Variants in VPS13D observed in about 807,000 individuals in gnomAD.
VPS13D encodes intermembrane lipid transfer protein VPS13D.
A neutral mutation model predicts 461.9 loss-of-function variants in VPS13D; 187 were observed. That is an observed-to-expected ratio of 0.40 (90% confidence interval 0.36 to 0.46). The LOEUF (loss-of-function observed/expected upper bound fraction) is 0.46, where lower values mean the gene tolerates loss of function less well. Among genes scored for constraint, VPS13D ranks in the 20% least tolerant of loss-of-function variants. The probability of loss-of-function intolerance (pLI) is 0.60; values close to 1 mark genes in which losing one functional copy is unlikely to be tolerated. For missense variants in VPS13D, 4,711 were observed against 5,364.9 expected, an observed-to-expected ratio of 0.88 and a Z score of 3.81; for synonymous variants, 1,951 against 1,986.3, an observed-to-expected ratio of 0.98 and a Z score of 0.47.
At position 12,447,977 on chromosome 1, in the gene VPS13D, A is replaced by C. The variant is rs1458946725; in HGVS notation, c.12334-8021A>C. On this transcript the variant is annotated intron_variant, in intron 65 of 69. Coordinates refer to ENST00000620676, the MANE Select transcript of VPS13D (RefSeq NM_015378.4). ...GACATGCAAGATTCAGTGGGGGAGA[A>C]AGAGGAGGGAACCGGAGAGCACTCA... 2.0e-5 allele frequency among the ~76,000 whole-genome samples: 3 copies of C among 152,208 alleles called. No individual in the cohort carries two copies. In the East Asian group the frequency reaches 5.8e-4, roughly 29 times the overall value.
chr1:12,362,767 G>T lies in VPS13D; in HGVS notation c.10189G>T (p.Val3397Phe). The part of the protein sequence containing the change: ...GRGRYIDTCM[V>F]IFAPRYLLDN... ...AGGTCGATACATTGATACCTGCATG[G>T]TCATCTTTGCCCCCCGTTACCTGTT... The change falls in exon 51 of 70, where the codon GTC becomes TTC. Residue 3397 changes from valine (V) to phenylalanine (F), a missense_variant. Coordinates refer to ENST00000620676, the MANE Select transcript of VPS13D (RefSeq NM_015378.4). 3 of 1,614,214 alleles carry T rather than the reference G, an allele frequency of 1.9e-6. No individual in the cohort carries two copies. The highest frequency in any genetic ancestry group is 2.5e-6 in the Non-Finnish European group (3 of 1,180,024).
Position 12,502,126 on chromosome 1 carries a change from TC to T in VPS13D, c.12794+4498del, listed in dbSNP as rs1385746905. On this transcript the variant is annotated intron_variant, in intron 68 of 69. Transcript: ENST00000620676. This position sits in a 1 kb window ranked among gnomAD's most constrained non-coding sequence, Gnocchi z 4.3. ...GGGAGTGAGATTGTGAGGAAGAGGATCCCACTCAAAATTCGTCATGAAAAAT... is the reference window on the plus strand; with the variant it reads ...GGGAGTGAGATTGTGAGGAAGAGGATCCACTCAAAATTCGTCATGAAAAAT... Among the ~76,000 whole-genome samples, 1 of 151,964 alleles carries T rather than the reference TC, an allele frequency of 6.6e-6. No homozygotes were observed. The highest frequency in any genetic ancestry group is 1.5e-5 in the Non-Finnish European group (1 of 67,990).
chr1:12,497,561 C>T lies in VPS13D; in HGVS notation c.12724C>T (p.Arg4242Ter), dbSNP rs1420153729. The T allele has an allele frequency of 6.2e-7, 1 of 1,614,068 alleles. No homozygotes were observed. Among genetic ancestry groups the T allele is most frequent in the South Asian group, 1.1e-5 (1 of 91,058 alleles). ...CCTGPQGLLP[R>*]YSESQAEGQE... ...CACGGGGCCCCAGGGGCTGCTTCCC[C>T]GATATTCTGAGAGCCAGGCGGAAGG... The change falls in exon 68 of 70, where the codon CGA becomes TGA. Residue 4242 changes from arginine to a stop codon, truncating the protein, a stop_gained. Coordinates refer to ENST00000620676, the MANE Select transcript of VPS13D (RefSeq NM_015378.4). LOFTEE classifies it high-confidence loss of function.
intron 25 of VPS13D, among the ~76,000 whole-genome samples, chr1:12,300,016 C>T (rs1283907270): frequency 6.6e-6 from 1 of 151,120 alleles, no homozygotes; most frequent in African/African-American, 2.4e-5. Flanking sequence ...CCGACCCATT[C>T]CCCCCAACCC....
intron 24 of VPS13D, among the ~76,000 whole-genome samples, chr1:12,298,363 G>T (rs1250323052): frequency 6.6e-6 from 1 of 152,150 alleles, no homozygotes; most frequent in African/African-American, 2.4e-5. Flanking sequence ...TATGTTCTGG[G>T]CTGGGCACGC....
intron 24 of VPS13D, among the ~76,000 whole-genome samples, chr1:12,294,576 A>C (rs886705962): frequency 3.8e-4 from 57 of 150,642 alleles, no homozygotes; most frequent in African/African-American, 1.3e-3. Flanking sequence ...GCACTTTGGG[A>C]GGCCGAGGCG....
chr1:12,329,407 T>C (rs186946319), intron 36 of VPS13D, among the ~76,000 whole-genome samples: 166 of 152,026 alleles, frequency 1.1e-3, no homozygotes, highest in African/African-American at 4.0e-3. Flanking sequence ...AGAAATGGGG[T>C]TTCACCATGT....
At chr1:12,310,771 C>T (rs1642714120) in intron 27 of VPS13D, among the ~76,000 whole-genome samples, 3 of 146,862 alleles carry the variant, frequency 2.0e-5, no homozygotes, top group African/African-American at 7.6e-5. Flanking sequence ...ATTTCTTGCT[C>T]CTTCCTTCCT....
intron 2 of VPS13D, among the ~76,000 whole-genome samples, chr1:12,235,087 C>T (rs935601454): frequency 3.9e-5 from 6 of 152,210 alleles, no homozygotes; most frequent in African/African-American, 7.2e-5. Context: ...TTTTAACATA[C>T]GTAGGGAAGA....
At chr1:12,269,047 T>G (rs775235071) in intron 16 of VPS13D, among the ~76,000 whole-genome samples, 171 bp downstream of exon 16, 8 of 152,266 alleles carry the variant, frequency 5.3e-5, no homozygotes, top group Non-Finnish European at 8.8e-5. Context: ...TAGATATTTG[T>G]GGACAGTCTT....
intron 62 of VPS13D, among the ~76,000 whole-genome samples, chr1:12,403,486 A>G (rs561542511): frequency 6.6e-6 from 1 of 152,348 alleles, no homozygotes; most frequent in East Asian, 1.9e-4. Context: ...AATTTAGATA[A>G]TCTGGGTCAT....
At chr1:12,316,889 A>G (rs547520317) in intron 30 of VPS13D, among the ~76,000 whole-genome samples, 1 of 152,070 alleles carries the variant, frequency 6.6e-6, no homozygotes. Flanking sequence ...TGATGTACTA[A>G]TAGGGCCTGG....
intron 54 of VPS13D, among the ~76,000 whole-genome samples, chr1:12,372,154 A>G (rs1253473607): frequency 6.6e-6 from 1 of 152,106 alleles, no homozygotes. Flanking sequence ...CCTAGGATCA[A>G]ACGGTCCTCC....
At chr1:12,464,678 C>T (rs1460203397) in intron 67 of VPS13D, among the ~76,000 whole-genome samples, 1 of 151,982 alleles carries the variant, frequency 6.6e-6, no homozygotes, top group African/African-American at 2.4e-5. Flanking sequence ...TCTGAAATTT[C>T]CAGGCAACCC....
intron 65 of VPS13D, among the ~76,000 whole-genome samples, chr1:12,425,713 G>A (rs902470379): frequency 5.3e-5 from 8 of 150,594 alleles, no homozygotes; most frequent in Admixed American, 5.3e-4. Context: ...GGGAGGAAGA[G>A]AGGGAGGGAG....
chr1:12,356,490 T>C lies in VPS13D; in HGVS notation c.9964T>C (p.Leu3322=), dbSNP rs748320837. Residue 3322 remains leucine (L), a synonymous_variant, in exon 49 of 70, where the codon TTA becomes CTA. Transcript: ENST00000620676. ...HELARSLSPL[L]FCYADKEQPN... is the part of the protein sequence containing the mutation. Reference sequence around the variant, plus strand: ...GCTGGCCCGTAGCCTGAGTCCTCTCTTATTCTGCTATGCTGACAAAGAGCA... The same window carrying C: ...GCTGGCCCGTAGCCTGAGTCCTCTCCTATTCTGCTATGCTGACAAAGAGCA... 1.2e-6 allele frequency: 2 copies of C among 1,614,136 alleles called. No individual in the cohort carries two copies. The highest frequency in any genetic ancestry group is 2.7e-5 in the African/African-American group (2 of 75,066).
In VPS13D at chr1:12,271,089, C is replaced by G; in HGVS notation, c.2068C>G (p.Gln690Glu). ...GATGCAGACCAAGGCAGAAATCCGG[C>G]AAACTCTTGATCGTTTGCTAGTGGG... ...LKMQTKAEIRQTLDRLLVGDF... is the reference protein window; with the variant it reads ...LKMQTKAEIRETLDRLLVGDF... The change falls in exon 17 of 70, where the codon CAA becomes GAA. Residue 690 changes from glutamine (Q) to glutamate (E), a missense_variant. Physicochemically the swap from Gln to Glu is conservative, Grantham distance 29. Transcript: ENST00000620676. 6.2e-7 allele frequency: 1 copy of G among 1,614,030 alleles called. No homozygotes were observed. The highest frequency in any genetic ancestry group is 8.5e-7 in the Non-Finnish European group (1 of 1,179,986).
chr1:12,444,174 A>G (rs1645165354), intron 65 of VPS13D, among the ~76,000 whole-genome samples: 1 of 152,098 alleles, frequency 6.6e-6, no homozygotes, highest in Non-Finnish European at 1.5e-5. Context: ...TATATTTTTG[A>G]AAGATATTTT....
intron 65 of VPS13D, among the ~76,000 whole-genome samples, chr1:12,429,201 T>C (rs1644962710): frequency 6.6e-6 from 1 of 152,224 alleles, no homozygotes; most frequent in Non-Finnish European, 1.5e-5. Flanking sequence ...TGGGCTGTCT[T>C]TTATCTGGCA....
Sources: gnomAD v4.1 joint callset for allele counts (sites outside exome capture counted in the v4.1 genomes callset) on GRCh38, gnomAD v4.1.1 for gene constraint, Gnocchi (gnomAD v3.1) non-coding constraint, MANE v1.5 for transcripts, NCBI Gene and HGNC (gene_info 2026-07-23, HGNC 2026-07-21) for gene names.